The following RBFOX3 variants were observed in gnomAD, a reference collection of about 807,000 sequenced individuals.
The protein encoded by RBFOX3 is RNA binding protein fox-1 homolog 3.
Under a neutral mutation model 48.7 loss-of-function variants are expected in RBFOX3, and 17 were observed. That is an observed-to-expected ratio of 0.35 (90% CI 0.24 to 0.52). The LOEUF (loss-of-function observed/expected upper bound fraction) is 0.52. Ranked by LOEUF, RBFOX3 falls within the 20% of genes least tolerant of loss-of-function variation. The pLI, the probability that RBFOX3 is intolerant of heterozygous loss-of-function variation, is 0.94. For synonymous variants in RBFOX3, 212 were observed against 209.5 expected (o/e 1.01, Z -0.10); for missense variants, 382 against 497.5 (o/e 0.77, Z 2.21).
chr17:79,217,290 T>C (rs954468299), intron 4 of RBFOX3, among the ~76,000 whole-genome samples: 2 of 152,164 alleles, frequency 1.3e-5, no homozygotes, highest in African/African-American at 2.4e-5. Context: ...TGAAAAGCCA[T>C]GCCCATGGGA....
chr17:79,454,675 A>G (rs34066747), intron 2 of RBFOX3, among the ~76,000 whole-genome samples: 69,237 of 152,074 alleles, frequency 0.46, 18,032 homozygotes, highest in Non-Finnish European at 0.58. Flanking sequence ...TCAAAGGCCC[A>G]GAGAGGTTAA....
chr17:79,569,915 A>G, intron 1 of RBFOX3, among the ~76,000 whole-genome samples: 1 of 152,052 alleles, frequency 6.6e-6, no homozygotes, highest in East Asian at 1.9e-4. Context: ...TGGTAGATGG[A>G]TGAATGGCAA....
intron 1 of RBFOX3, among the ~76,000 whole-genome samples, chr17:79,566,736 T>C (rs1414315596): frequency 1.3e-5 from 2 of 152,218 alleles, no homozygotes. Context: ...TTGCCACTGT[T>C]CATAACCAGT....
chr17:79,492,860 G>A (rs1227122270), intron 1 of RBFOX3, among the ~76,000 whole-genome samples: 1 of 152,230 alleles, frequency 6.6e-6, no homozygotes, highest in Non-Finnish European at 1.5e-5. Flanking sequence ...ACGCCAGGAG[G>A]CAGTGGTGGG....
chr17:79,339,726 C>A (rs2081763078), intron 2 of RBFOX3, among the ~76,000 whole-genome samples: 1 of 152,222 alleles, frequency 6.6e-6, no homozygotes, highest in South Asian at 2.1e-4. Flanking sequence ...AACTGTTGGC[C>A]TGGAAGTTGG....
rs568819153 is a variant in RBFOX3, at chr17:79,369,518, G to A, written c.-174-61694C>T. Among the ~76,000 whole-genome samples, 10 of 152,238 alleles carry A rather than the reference G, an allele frequency of 6.6e-5. No individual in the cohort carries two copies. The East Asian group carries it at 7.7e-4, about 12-fold the overall frequency. On this transcript the variant is annotated intron_variant, in intron 2 of 14. Transcript: ENST00000693108. ...CTCGAACACCAGGCATACACAAGGC[G>A]CCTCCTCCCAGGCCTTTCCCTTCCT...
At chr17:79,453,548 G>A (rs1199604359) in intron 2 of RBFOX3, among the ~76,000 whole-genome samples, 2 of 152,202 alleles carry the variant, frequency 1.3e-5, no homozygotes, top group Non-Finnish European at 2.9e-5. Context: ...CTGGCAGGCC[G>A]CCTGCTGCAG....
rs867655013 is a variant in RBFOX3 at position 79,283,274 on chromosome 17, T to C, written c.-74+24450A>G. On this transcript the variant is annotated intron_variant, in intron 3 of 14. Coordinates refer to ENST00000693108, the MANE Select transcript of RBFOX3 (RefSeq NM_001350451.2). The stretch of plus-strand genomic sequence containing the variant: ...TTCCTATGTTCCTTTTCTTTTTTTT[T>C]TTTTTTTTTTTGAGATGGGAGTCTT... Among the ~76,000 whole-genome samples the C allele has an allele frequency of 3.9e-4, 59 of 149,380 alleles. 1 individual carries two copies. Among genetic ancestry groups the C allele is most frequent in the Middle Eastern group, 6.8e-3 (2 of 294 alleles).
intron 13 of RBFOX3, 108 bp downstream of exon 13, chr17:79,095,405 C>T: frequency 3.1e-6 from 3 of 982,470 alleles, no homozygotes; most frequent in Non-Finnish European, 4.6e-6. Context: ...TCCCGCCAGG[C>T]CTGGAAGAGT....
rs552323203 is a variant in RBFOX3 at position 79,216,071 on chromosome 17, G to T, written c.-34+19695C>A. Among the ~76,000 whole-genome samples the T allele has an allele frequency of 2.0e-5, 3 of 152,242 alleles. No homozygotes were observed. The South Asian group carries it at 6.2e-4, about 31-fold the overall frequency. On this transcript the variant is annotated intron_variant, in intron 4 of 14. Transcript: ENST00000693108. ...TGCCCCCAAGCGTCCTCAGCCCAGCGGGGGTCAAGATGTAACTGTCTGGGC... is the reference window on the plus strand; with the variant it reads ...TGCCCCCAAGCGTCCTCAGCCCAGCTGGGGTCAAGATGTAACTGTCTGGGC...
At chr17:79,507,186 C>T (rs1451130677) in intron 1 of RBFOX3, among the ~76,000 whole-genome samples, 2 of 152,234 alleles carry the variant, frequency 1.3e-5, no homozygotes, top group East Asian at 1.9e-4. Flanking sequence ...TGCTCCATCC[C>T]GCCTGCTTCT....
At chr17:79,491,047 GAAA>G (rs2080446814) in intron 1 of RBFOX3, among the ~76,000 whole-genome samples, 6 of 74,012 alleles carry the variant, frequency 8.1e-5, no homozygotes, top group African/African-American at 2.4e-4. Context: ...GGGAGGGGAG[GAAA>G]GGAGAGGGGA....
chr17:79,157,458 GCCTGGCTTCC>G (rs1343140392), intron 4 of RBFOX3, among the ~76,000 whole-genome samples: 2 of 152,248 alleles, frequency 1.3e-5, no homozygotes, highest in East Asian at 3.8e-4. Flanking sequence ...GAACACAGAT[GCCTGGCTTCC>G]CCCTGGGTCA....
At chr17:79,332,880 T>G (rs2080591856) in intron 2 of RBFOX3, among the ~76,000 whole-genome samples, 4 of 131,102 alleles carry the variant, frequency 3.1e-5, no homozygotes, top group South Asian at 2.5e-4. Context: ...AAAACAGAGA[T>G]GGGGAGACAA....
chr17:79,510,086 C>T (rs892871859), intron 1 of RBFOX3, among the ~76,000 whole-genome samples: 7 of 152,200 alleles, frequency 4.6e-5, no homozygotes, highest in East Asian at 3.9e-4. Flanking sequence ...AATGGCCTCA[C>T]GCAACTCTGC....
intron 1 of RBFOX3, among the ~76,000 whole-genome samples, chr17:79,525,662 T>C (rs1282041380): frequency 6.6e-6 from 1 of 152,250 alleles, no homozygotes; most frequent in Non-Finnish European, 1.5e-5. Context: ...AAAGGAACAT[T>C]GCTGGAATTC....
chr17:79,511,378 C>A (rs1456100179), intron 1 of RBFOX3, among the ~76,000 whole-genome samples: 1 of 152,146 alleles, frequency 6.6e-6, no homozygotes, highest in Non-Finnish European at 1.5e-5. Flanking sequence ...GGGCTGGGGA[C>A]ACAAAGACAG....
chr17:79,656,388 C>T, the RBFOX3 span, among the ~76,000 whole-genome samples: 8 of 152,172 alleles, frequency 5.3e-5, no homozygotes, highest in East Asian at 1.9e-4. Flanking sequence ...CAGAAGTGGG[C>T]GCATAACTTG....
rs1598627017 is a variant in RBFOX3, at chr17:79,423,406, A to G, written c.-175+59048T>C. Among the ~76,000 whole-genome samples, 1 of 151,464 alleles carries G rather than the reference A, an allele frequency of 6.6e-6. No individual in the cohort carries two copies. The highest frequency in any genetic ancestry group is 6.6e-5 in the Admixed American group (1 of 15,230). ...ACCTCCAGTGTGGTCCGGCGCCACCACCTCTGCCGGACGTTTGCTATCTCT... is the reference window on the plus strand; with the variant it reads ...ACCTCCAGTGTGGTCCGGCGCCACCGCCTCTGCCGGACGTTTGCTATCTCT... On this transcript the variant is annotated intron_variant, in intron 2 of 14. Coordinates refer to ENST00000693108, the MANE Select transcript of RBFOX3 (RefSeq NM_001350451.2). The surrounding 1 kb of genome is among the most constrained non-coding windows in gnomAD (Gnocchi z 4.9).
Sources: gnomAD v4.1 joint callset for allele counts (sites outside exome capture counted in the v4.1 genomes callset) on GRCh38, gnomAD v4.1.1 for gene constraint, Gnocchi (gnomAD v3.1) non-coding constraint, MANE v1.5 for transcripts, NCBI Gene and HGNC (gene_info 2026-07-23, HGNC 2026-07-21) for gene names.